Variants in DPP6 observed in about 807,000 individuals in gnomAD.
DPP6 encodes the protein dipeptidyl peptidase like 6, also known as A-type potassium channel modulatory protein DPP6.
Under a neutral mutation model 122.6 loss-of-function variants are expected in DPP6, and 69 were observed. The observed-to-expected ratio is 0.56, with a 90% CI of 0.46 to 0.69. DPP6 has a LOEUF of 0.69. Ranked by LOEUF, DPP6 falls within the 30% of genes least tolerant of loss-of-function variation. The pLI is 0.00. For synonymous variants in DPP6, 418 were observed against 433.1 expected (o/e 0.97, Z 0.43); for missense variants, 928 against 1,116.9 (o/e 0.83, Z 2.41).
chr7:153,848,067 G>C, the DPP6 span, among the ~76,000 whole-genome samples: 345 of 152,280 alleles, frequency 2.3e-3, 1 homozygote, highest in South Asian at 0.01. Context: ...GCAGACACAG[G>C]TTTTTTGCCT....
In DPP6 at chr7:154,257,182, T is replaced by TAG. The variant is rs777481820; in HGVS notation, c.244-189032_244-189031insAG. ...AAAACATTTTTTTGTAGAGATGAGTTCTTGCTATGTTGCCCAGGCTGGTCT... is the reference window on the plus strand; with the variant it reads ...AAAACATTTTTTTGTAGAGATGAGTTAGCTTGCTATGTTGCCCAGGCTGGTCT... On this transcript the variant is annotated intron_variant, in intron 1 of 25. Coordinates refer to ENST00000377770, the MANE Select transcript of DPP6 (RefSeq NM_130797.4). Among the ~76,000 whole-genome samples, 8 of 151,980 alleles carry TAG rather than the reference T, an allele frequency of 5.3e-5. No individual in the cohort carries two copies. The East Asian group carries it at 9.7e-4, about 18-fold the overall frequency.
chr7:153,786,575 G>A, the DPP6 span, among the ~76,000 whole-genome samples: 76,415 of 148,286 alleles, frequency 0.52, 20,267 homozygotes, highest in African/African-American at 0.65. Context: ...CGTCTCTACT[G>A]AAAATACAAA....
intron 5 of DPP6, among the ~76,000 whole-genome samples, chr7:154,605,438 G>A (rs1226879406): frequency 8.4e-6 from 1 of 118,652 alleles, no homozygotes; most frequent in African/African-American, 2.7e-5. Flanking sequence ...TTCTATTCAG[G>A]TATATTTCTT....
In DPP6 at chr7:154,875,343, A is replaced by G. The variant is rs928908036; in HGVS notation, c.1884-563A>G. 1.3e-5 allele frequency among the ~76,000 whole-genome samples: 2 copies of G among 152,186 alleles called. No individual in the cohort carries two copies. Among genetic ancestry groups the G allele is most frequent in the Non-Finnish European group, 2.9e-5 (2 of 68,034 alleles). ...AGTGGGAGCCGCCAGCCCAGGTCGGAGGCCACACTGCCCAGAGCCAATGGC... is the reference window on the plus strand; with the variant it reads ...AGTGGGAGCCGCCAGCCCAGGTCGGGGGCCACACTGCCCAGAGCCAATGGC... On this transcript the variant is annotated intron_variant, in intron 19 of 25. Transcript: ENST00000377770. This position sits in a 1 kb window ranked among gnomAD's most constrained non-coding sequence, Gnocchi z 4.5.
intron 21 of DPP6, chr7:154,884,740 TAC>T (rs1053675061): frequency 6.0e-5 from 8 of 133,200 alleles, no homozygotes; most frequent in Non-Finnish European, 1.1e-4. Context: ...TGCACAAGTT[TAC>T]ACACATACTC....
chr7:154,870,011 A>G (rs111905473), intron 18 of DPP6, among the ~76,000 whole-genome samples: 52,014 of 151,484 alleles, frequency 0.34, 9,416 homozygotes, highest in Non-Finnish European at 0.38. Flanking sequence ...ACAGAGTCTC[A>G]CTCTGTCCCC....
chr7:154,528,367 G>C (rs1355923986), intron 3 of DPP6, among the ~76,000 whole-genome samples: 1 of 152,142 alleles, frequency 6.6e-6, no homozygotes, highest in Non-Finnish European at 1.5e-5. Context: ...ATCTCATAAA[G>C]AGGCACAAAA....
chr7:154,447,259 T>C (rs1201055670), intron 2 of DPP6, among the ~76,000 whole-genome samples: 1 of 152,114 alleles, frequency 6.6e-6, no homozygotes, highest in African/African-American at 2.4e-5. Flanking sequence ...TGAGCCATGA[T>C]TGCGCCATTG....
At chr7:154,090,290 A>G (rs1328544139) in intron 1 of DPP6, among the ~76,000 whole-genome samples, 2 of 152,194 alleles carry the variant, frequency 1.3e-5, no homozygotes, top group African/African-American at 2.4e-5. Context: ...CCGACCTGCA[A>G]ATTCACACAA....
chr7:153,871,410 A>G, the DPP6 span, among the ~76,000 whole-genome samples: 1 of 152,226 alleles, frequency 6.6e-6, no homozygotes, highest in African/African-American at 2.4e-5. Context: ...CTGCTGTGCT[A>G]GTAATGAGCG....
the DPP6 span, among the ~76,000 whole-genome samples, chr7:153,814,197 A>G: frequency 3.3e-5 from 5 of 151,946 alleles, no homozygotes; most frequent in East Asian, 5.8e-4. Flanking sequence ...AACAAAATTG[A>G]TAGACCACTA....
chr7:153,932,951 G>T (rs1394831873), intron 1 of DPP6, among the ~76,000 whole-genome samples: 1 of 152,110 alleles, frequency 6.6e-6, no homozygotes, highest in African/African-American at 2.4e-5. Context: ...TATTCTTGTG[G>T]TAGTGAATAA....
intron 1 of DPP6, among the ~76,000 whole-genome samples, chr7:154,181,429 T>G (rs1798074967): frequency 6.6e-6 from 1 of 152,098 alleles, no homozygotes; most frequent in African/African-American, 2.4e-5. Context: ...GTTCTGCTGG[T>G]TTATGTAAGA....
the DPP6 span, among the ~76,000 whole-genome samples, chr7:153,813,232 C>G: frequency 9.6e-5 from 14 of 145,964 alleles, no homozygotes; most frequent in Non-Finnish European, 1.0e-4. Flanking sequence ...TGTGTCCATG[C>G]GTTCTCATTG....
intron 1 of DPP6, among the ~76,000 whole-genome samples, chr7:154,364,177 A>G (rs1010186830): frequency 6.6e-6 from 1 of 152,242 alleles, no homozygotes; most frequent in African/African-American, 2.4e-5. Context: ...CAAACTCATC[A>G]TAAGTATAAG....
At chr7:154,408,703 A>C (rs1271413210) in intron 1 of DPP6, among the ~76,000 whole-genome samples, 1 of 150,066 alleles carries the variant, frequency 6.7e-6, no homozygotes, top group Non-Finnish European at 1.5e-5. Context: ...TGAGTTCCCC[A>C]TTGCATTTGC....
chr7:154,576,952 G>T (rs1367920419), intron 5 of DPP6, among the ~76,000 whole-genome samples: 2 of 152,222 alleles, frequency 1.3e-5, no homozygotes, highest in African/African-American at 4.8e-5. Context: ...GCAGTGTTGA[G>T]TTGGGTCAGA....
At chr7:153,868,456 T>G in the DPP6 span, among the ~76,000 whole-genome samples, 2 of 152,250 alleles carry the variant, frequency 1.3e-5, no homozygotes, top group Admixed American at 1.3e-4. Flanking sequence ...TTTATGGTAT[T>G]CTCTGATGGT....
chr7:154,156,996 C>G lies in DPP6; in HGVS notation c.243+103933C>G, dbSNP rs557262399. Among the ~76,000 whole-genome samples, 10 of 152,344 alleles carry G rather than the reference C, an allele frequency of 6.6e-5. No individual in the cohort carries two copies. In the South Asian group the frequency reaches 1.2e-3, roughly 19 times the overall value. On this transcript the variant is annotated intron_variant, in intron 1 of 25. Transcript: ENST00000377770. ...TCCCTGGTGGGGAAGAACAGGTTAG[C>G]TTTATAATTTTGGGAGAGCAATTTA...
Sources: allele counts gnomAD v4.1 joint callset (sites outside exome capture counted in the v4.1 genomes callset), GRCh38; gene constraint gnomAD v4.1.1; non-coding constraint Gnocchi (gnomAD v3.1); transcripts MANE v1.5; gene names NCBI Gene and HGNC (gene_info 2026-07-23, HGNC 2026-07-21).